The following RBFOX1 variants were observed in gnomAD, a reference collection of about 807,000 sequenced individuals.
RBFOX1 encodes RNA binding protein fox-1 homolog 1.
In RBFOX1, 8 loss-of-function variants were observed where a neutral mutation model predicts 57.7. That is an observed-to-expected ratio of 0.14 (90% CI 0.08 to 0.25). The LOEUF is 0.25. Ranked by LOEUF, RBFOX1 falls within the 10% of genes least tolerant of loss-of-function variation. RBFOX1 has a pLI of 1.00. For missense variants in RBFOX1, 611 were observed against 548.5 expected (o/e 1.11, Z -1.14); for synonymous variants, 326 against 222.4 (o/e 1.47, Z -4.15).
At chr16:6,577,810 A>G (rs915578278) in intron 2 of RBFOX1, among the ~76,000 whole-genome samples, 3 of 152,158 alleles carry the variant, frequency 2.0e-5, no homozygotes, top group Non-Finnish European at 2.9e-5. Context: ...TATCCCTACT[A>G]TGTGCTCAGG....
intron 2 of RBFOX1, among the ~76,000 whole-genome samples, chr16:5,589,348 T>C (rs1438246446): frequency 1.3e-5 from 2 of 152,180 alleles, no homozygotes; most frequent in East Asian, 3.9e-4. Context: ...TCAACTTAGA[T>C]GGGCTGCTTT....
intron 2 of RBFOX1, among the ~76,000 whole-genome samples, chr16:5,593,869 G>T (rs1567272249): frequency 6.6e-6 from 1 of 152,064 alleles, no homozygotes. Context: ...CCTCGTTTGG[G>T]GTCTGGATCG....
intron 2 of RBFOX1, among the ~76,000 whole-genome samples, chr16:6,580,679 G>T (rs1370865664): frequency 1.3e-5 from 2 of 152,174 alleles, no homozygotes; most frequent in Non-Finnish European, 2.9e-5. Flanking sequence ...ACATAAACCT[G>T]CAAGGTAGGC....
rs570833794 is a variant in RBFOX1 at position 6,934,809 on chromosome 16, G to C, written c.-15-117248G>C. Among the ~76,000 whole-genome samples the C allele has an allele frequency of 6.6e-5, 10 of 152,254 alleles. No homozygotes were observed. In the South Asian group the frequency reaches 2.1e-3, roughly 32 times the overall value. ...TCACTTGAATGGTCAATTTAAGCCA[G>C]GTGCGGTGGCTCCTGCAGGTAATCC... On this transcript the variant is annotated intron_variant, in intron 3 of 15. Coordinates refer to ENST00000550418, the MANE Select transcript of RBFOX1 (RefSeq NM_018723.4).
At chr16:5,565,519 G>A (rs1240337473) in intron 2 of RBFOX1, among the ~76,000 whole-genome samples, 2 of 151,926 alleles carry the variant, frequency 1.3e-5, no homozygotes, top group African/African-American at 2.4e-5. Context: ...CAGCTACTTG[G>A]GAGGCTGAGG....
At chr16:7,380,830 A>G (rs1451364555) in intron 4 of RBFOX1, among the ~76,000 whole-genome samples, 2 of 152,252 alleles carry the variant, frequency 1.3e-5, no homozygotes, top group East Asian at 1.9e-4. Flanking sequence ...TCATAGAAGC[A>G]GGGGTCTTCT....
At chr16:7,492,483 C>G (rs116651773) in intron 4 of RBFOX1, among the ~76,000 whole-genome samples, 157 of 152,258 alleles carry the variant, frequency 1.0e-3, no homozygotes, top group African/African-American at 3.6e-3. Flanking sequence ...TACCCTAGAA[C>G]TGTCCTGTCT....
rs557934984 is a variant in RBFOX1 at position 6,088,242 on chromosome 16, G to GT, written c.-127+68255dup. Among the ~76,000 whole-genome samples, 891 of 150,506 alleles carry GT rather than the reference G, an allele frequency of 5.9e-3. 7 individuals are homozygous for GT. The highest frequency in any genetic ancestry group is 0.021 in the African/African-American group (868 of 40,886). On this transcript the variant is annotated intron_variant, in intron 1 of 15. Coordinates refer to ENST00000550418, the MANE Select transcript of RBFOX1 (RefSeq NM_018723.4). ...GTATTGCCTCAGTTGGATCATATCTGTTTTTCCTCAGGAATGTTTCTGAAA... is the reference window on the plus strand; with the variant it reads ...GTATTGCCTCAGTTGGATCATATCTGTTTTTTCCTCAGGAATGTTTCTGAAA...
intron 5 of RBFOX1, among the ~76,000 whole-genome samples, chr16:7,545,749 A>C (rs2152503577): frequency 6.6e-6 from 1 of 152,246 alleles, no homozygotes; most frequent in South Asian, 2.1e-4. Context: ...GTGGAGGGCA[A>C]GGAACTGGGT....
intron 2 of RBFOX1, among the ~76,000 whole-genome samples, chr16:6,509,397 C>A (rs932599779): frequency 1.3e-5 from 2 of 152,150 alleles, no homozygotes; most frequent in African/African-American, 4.8e-5. Context: ...ATAGATGGAA[C>A]TGGAGGTCAT....
chr16:6,912,990 C>G (rs889923316), intron 3 of RBFOX1, among the ~76,000 whole-genome samples: 4 of 152,050 alleles, frequency 2.6e-5, no homozygotes, highest in Admixed American at 1.3e-4. Context: ...TTACCCAACA[C>G]TGTGCTTTAT....
At chr16:6,607,206 A>T (rs533165563) in intron 2 of RBFOX1, among the ~76,000 whole-genome samples, 24 of 152,268 alleles carry the variant, frequency 1.6e-4, no homozygotes, top group African/African-American at 4.6e-4. Flanking sequence ...CTGATTGGGG[A>T]CAATGACAGA....
intron 1 of RBFOX1, among the ~76,000 whole-genome samples, chr16:6,082,795 T>G (rs1567412406): frequency 6.6e-6 from 1 of 152,060 alleles, no homozygotes; most frequent in Non-Finnish European, 1.5e-5. Context: ...CAGTTTGGCT[T>G]GTAACTAGCA....
chr16:6,999,685 A>T (rs2092617696), intron 3 of RBFOX1, among the ~76,000 whole-genome samples: 1 of 152,134 alleles, frequency 6.6e-6, no homozygotes, highest in African/African-American at 2.4e-5. Flanking sequence ...TCCAAAATAT[A>T]CTATTATTAT....
intron 4 of RBFOX1, among the ~76,000 whole-genome samples, chr16:7,242,848 T>C (rs61142032): frequency 0.057 from 8,672 of 152,228 alleles, 677 homozygotes; most frequent in African/African-American, 0.17. Context: ...GTTTGGACTG[T>C]GCTGGTGAGA....
intron 3 of RBFOX1, among the ~76,000 whole-genome samples, chr16:5,619,218 C>T (rs1229657116): frequency 6.6e-6 from 1 of 152,320 alleles, no homozygotes; most frequent in South Asian, 2.1e-4. Context: ...CCACTCTCTT[C>T]CCACTAAGGA....
intron 4 of RBFOX1, among the ~76,000 whole-genome samples, chr16:7,446,128 G>GC (rs2098805747): frequency 6.6e-6 from 1 of 152,184 alleles, no homozygotes; most frequent in African/African-American, 2.4e-5. Flanking sequence ...TGTGTGAAAT[G>GC]ACTAATTAAC....
chr16:5,493,358 C>G (rs1254293345), intron 2 of RBFOX1, among the ~76,000 whole-genome samples: 1 of 152,216 alleles, frequency 6.6e-6, no homozygotes, highest in Non-Finnish European at 1.5e-5. Flanking sequence ...CCATGCTTGT[C>G]TGTTGCCCTG....
At chr16:5,306,312 C>A (rs537318099) in intron 1 of RBFOX1, among the ~76,000 whole-genome samples, 1 of 142,962 alleles carries the variant, frequency 7.0e-6, no homozygotes, top group African/African-American at 2.5e-5. Context: ...AGGAAGAGGT[C>A]TTCTAGAATT....
Sources: gnomAD v4.1 joint callset for allele counts (sites outside exome capture counted in the v4.1 genomes callset) on GRCh38, gnomAD v4.1.1 for gene constraint, MANE v1.5 for transcripts, NCBI Gene and HGNC (gene_info 2026-07-23, HGNC 2026-07-21) for gene names.